ABCB1: variants seen among roughly 807,000 people sequenced by gnomAD.
ABCB1 encodes the protein ATP-dependent translocase ABCB1.
In ABCB1, 69 loss-of-function variants were observed where a neutral mutation model predicts 142.0. The observed-to-expected ratio is 0.49, with a 90% confidence interval of 0.40 to 0.59. The LOEUF is 0.59. Ranked by LOEUF, ABCB1 falls within the 20% of genes least tolerant of loss-of-function variation. The pLI, the probability that ABCB1 is intolerant of heterozygous loss-of-function variation, is 0.00. For synonymous variants in ABCB1, 532 were observed against 539.2 expected (o/e 0.99, Z 0.18); for missense variants, 1,326 against 1,554.7 (o/e 0.85, Z 2.47).
intron 5 of ABCB1, among the ~76,000 whole-genome samples, chr7:87,567,470 T>C (rs1307147229): frequency 6.6e-6 from 1 of 152,112 alleles, no homozygotes; most frequent in East Asian, 1.9e-4. Flanking sequence ...CTCTGTACAT[T>C]GGGGATGAAA....
intron 23 of ABCB1, 54 bp downstream of exon 23, chr7:87,519,272 T>A: frequency 6.5e-7 from 1 of 1,539,672 alleles, no homozygotes; most frequent in Non-Finnish European, 9.0e-7. Flanking sequence ...ACATGAAGCA[T>A]GTTCATCCCA....
intron 1 of ABCB1, among the ~76,000 whole-genome samples, chr7:87,644,902 A>C (rs952508794): frequency 6.6e-6 from 1 of 151,930 alleles, no homozygotes; most frequent in African/African-American, 2.4e-5. Flanking sequence ...AGTTATTTTT[A>C]ATTATAATTA....
In ABCB1 at chr7:87,531,634, G is replaced by A. The variant is rs1816061642; in HGVS notation, c.2482-137C>T. 4 of 785,610 alleles carry A rather than the reference G, an allele frequency of 5.1e-6. No individual in the cohort carries two copies. The South Asian group carries it at 6.8e-5, about 13-fold the overall frequency. 48.7% of individuals were successfully genotyped at this position (785,610 alleles called of 1,614,324 possible). ...TGAACTAAAAAGTAAAGGTCTACTT[G>A]TAAGTTTATTGAGTTTCTACAGTAA... On this transcript the variant is annotated intron_variant, in intron 20 of 27. Transcript: ENST00000622132.
intron 1 of ABCB1, among the ~76,000 whole-genome samples, chr7:87,660,051 GT>G (rs1387884176): frequency 6.6e-6 from 1 of 152,118 alleles, no homozygotes; most frequent in Non-Finnish European, 1.5e-5. Context: ...GTGTTTATGA[GT>G]AAAATTAGTC....
Position 87,505,966 on chromosome 7 carries a change from G to A in ABCB1, c.3567C>T (p.Ala1189=), listed in dbSNP as rs150614853. 4 of 1,614,058 alleles carry A rather than the reference G, an allele frequency of 2.5e-6. No individual in the cohort carries two copies. Among genetic ancestry groups the A allele is most frequent in the Non-Finnish European group, 3.4e-6 (4 of 1,179,988 alleles). ...GCAAAATATGAGGCTGTCTAACAAG[G>A]GCACGAGCTATGGCAATGCGTTGTT... ...GQKQRIAIAR[A]LVRQPHILLL... Residue 1189 remains alanine (A), a synonymous_variant, in exon 27 of 28, where the codon GCC becomes GCT. Transcript: ENST00000622132.
chr7:87,558,348 C>G (rs929270077), intron 8 of ABCB1, among the ~76,000 whole-genome samples: 2 of 152,070 alleles, frequency 1.3e-5, no homozygotes, highest in Admixed American at 1.3e-4. Flanking sequence ...ATTGTTCATT[C>G]CTGGTTTACA....
intron 2 of ABCB1, among the ~76,000 whole-genome samples, chr7:87,596,468 T>C (rs1273187711): frequency 6.6e-6 from 1 of 152,048 alleles, no homozygotes. Context: ...GTCAAAAAGT[T>C]CTCCTCAGGC....
In ABCB1 at chr7:87,566,751, G is replaced by A. The variant is rs201587089; in HGVS notation, c.530+34C>T. On this transcript the variant is annotated intron_variant, in intron 6 of 27. Coordinates refer to ENST00000622132, the MANE Select transcript of ABCB1 (RefSeq NM_001348946.2). ...ATTTCATTTTACTAAGGATAAGAACGACACCCAAGTTCAACATAAAACTAA... is the reference window on the plus strand; with the variant it reads ...ATTTCATTTTACTAAGGATAAGAACAACACCCAAGTTCAACATAAAACTAA... The A allele has an allele frequency of 5.7e-5, 91 of 1,597,806 alleles. No individual in the cohort carries two copies. In the Middle Eastern group the frequency reaches 8.3e-4, roughly 15 times the overall value.
intron 4 of ABCB1, among the ~76,000 whole-genome samples, chr7:87,585,146 C>T (rs1818684064): frequency 6.6e-6 from 1 of 152,170 alleles, no homozygotes; most frequent in Admixed American, 6.5e-5. Flanking sequence ...ACTTTAGAAT[C>T]ATCCCCGACT....
intron 14 of ABCB1, among the ~76,000 whole-genome samples, chr7:87,546,245 AT>A (rs1380167938): frequency 6.6e-6 from 1 of 152,226 alleles, no homozygotes; most frequent in Non-Finnish European, 1.5e-5. Flanking sequence ...TCACATATTA[AT>A]ATTATGTAAG....
chr7:87,585,207 C>T lies in ABCB1; in HGVS notation c.286+305G>A, dbSNP rs565311765. 1.1e-4 allele frequency among the ~76,000 whole-genome samples: 17 copies of T among 152,294 alleles called. No homozygotes were observed. Among genetic ancestry groups the T allele is most frequent in the African/African-American group, 3.8e-4 (16 of 41,560 alleles). ...TGTTAGGAAATCTCACAACAGATTC[C>T]TACTTATCATTCAAGGTTCTAATTA... On this transcript the variant is annotated intron_variant, in intron 4 of 27. Coordinates refer to ENST00000622132, the MANE Select transcript of ABCB1 (RefSeq NM_001348946.2).
chr7:87,658,832 G>A (rs1411633639), intron 1 of ABCB1, among the ~76,000 whole-genome samples: 3 of 152,112 alleles, frequency 2.0e-5, no homozygotes, highest in African/African-American at 4.8e-5. Flanking sequence ...ATGTGTTGCC[G>A]GCAGACTTAC....
chr7:87,603,762 A>G (rs919901603), upstream of ABCB1, among the ~76,000 whole-genome samples: 1 of 152,230 alleles, frequency 6.6e-6, no homozygotes, highest in Non-Finnish European at 1.5e-5. Flanking sequence ...CAAAGGCAGA[A>G]AAACTTAGAT....
intron 1 of ABCB1, among the ~76,000 whole-genome samples, chr7:87,684,284 C>A (rs2130607140): frequency 6.6e-6 from 1 of 152,196 alleles, no homozygotes; most frequent in Non-Finnish European, 1.5e-5. Flanking sequence ...AGATTCAATG[C>A]AATCTCAAAG....
intron 1 of ABCB1, chr7:87,629,310 T>C (rs1054962453): frequency 1.0e-5 from 2 of 192,244 alleles, no homozygotes; most frequent in Non-Finnish European, 2.1e-5. Flanking sequence ...GATAAAGTGG[T>C]AGTTACTGTG....
chr7:87,690,418 C>T (rs1020836372), intron 1 of ABCB1, among the ~76,000 whole-genome samples: 3 of 152,048 alleles, frequency 2.0e-5, no homozygotes, highest in South Asian at 2.1e-4. Flanking sequence ...AATTTAGGTA[C>T]TCAGTATTTT....
At chr7:87,671,529 C>T (rs574105271) in intron 1 of ABCB1, among the ~76,000 whole-genome samples, 2 of 152,254 alleles carry the variant, frequency 1.3e-5, no homozygotes, top group Non-Finnish European at 2.9e-5. Context: ...CTCGGATTTT[C>T]TAGTACCTGG....
rs2117068682 is a variant in ABCB1 at position 87,509,426 on chromosome 7, A to G, written c.3338T>C (p.Leu1113Pro). 2 of 1,614,212 alleles carry G rather than the reference A, an allele frequency of 1.2e-6. No homozygotes were observed. Among genetic ancestry groups the G allele is most frequent in the Non-Finnish European group, 1.7e-6 (2 of 1,180,032 alleles). The part of the protein sequence containing the change: ...RLNVQWLRAH[L>P]GIVSQEPILF... Reference sequence around the variant, plus strand: ...GATGGGCTCCTGGGACACGATGCCCAGGTGTGCTCGGAGCCACTGAACATT... The same window carrying G: ...GATGGGCTCCTGGGACACGATGCCCGGGTGTGCTCGGAGCCACTGAACATT... Residue 1113 changes from leucine (L) to proline (P), a missense_variant, in exon 26 of 28, where the codon CTG becomes CCG. Physicochemically the swap from Leu to Pro is moderately conservative, Grantham distance 98 (BLOSUM62 -3). Transcript: ENST00000622132.
At chr7:87,658,078 C>T (rs28746495) in intron 1 of ABCB1, among the ~76,000 whole-genome samples, 12,082 of 152,156 alleles carry the variant, frequency 0.079, 515 homozygotes, top group African/African-American at 0.11. Context: ...TAGATGTCAA[C>T]ACTGAGATGA....
Sources: allele counts gnomAD v4.1 joint callset (sites outside exome capture counted in the v4.1 genomes callset), GRCh38; gene constraint gnomAD v4.1.1; transcripts MANE v1.5; gene names NCBI Gene and HGNC (gene_info 2026-07-23, HGNC 2026-07-21).